Variants in LRMDA observed in about 807,000 individuals in gnomAD.
LRMDA encodes leucine rich melanocyte differentiation associated.
Under a neutral mutation model 29.8 loss-of-function variants are expected in LRMDA, and 18 were observed. That is an observed-to-expected ratio of 0.60 (90% CI 0.42 to 0.90). The LOEUF is 0.90. LRMDA is among the 40% of genes least tolerant of loss of function. The pLI, the probability that LRMDA is intolerant of heterozygous loss-of-function variation, is 0.00. For synonymous variants in LRMDA, 125 were observed against 109.4 expected (o/e 1.14, Z -0.89); for missense variants, 273 against 273.9 (o/e 1.00, Z 0.02).
At chr10:75,490,183 G>T (rs1200904150) in intron 2 of LRMDA, among the ~76,000 whole-genome samples, 1 of 152,214 alleles carries the variant, frequency 6.6e-6, no homozygotes, top group Non-Finnish European at 1.5e-5. Flanking sequence ...ATGTGAGCCA[G>T]TCGTCTGGTT....
At chr10:75,810,011 C>T (rs748359403) in intron 2 of LRMDA, among the ~76,000 whole-genome samples, 1 of 152,090 alleles carries the variant, frequency 6.6e-6, no homozygotes, top group Admixed American at 6.5e-5. Context: ...TCTCATGAAG[C>T]GGGCCCTGCC....
intron 6 of LRMDA, among the ~76,000 whole-genome samples, chr10:76,404,676 T>C (rs548295145): frequency 7.9e-5 from 12 of 152,318 alleles, no homozygotes; most frequent in African/African-American, 2.4e-4. Flanking sequence ...CTTGAGCTGT[T>C]TCCTCCAAAG....
At chr10:75,879,622 G>T (rs1430137178) in intron 2 of LRMDA, among the ~76,000 whole-genome samples, 2 of 152,158 alleles carry the variant, frequency 1.3e-5, no homozygotes, top group African/African-American at 2.4e-5. Context: ...GAGGGCAAGT[G>T]ACCTCTCATC....
At chr10:75,704,139 G>A (rs1842339218) in intron 2 of LRMDA, among the ~76,000 whole-genome samples, 1 of 152,184 alleles carries the variant, frequency 6.6e-6, no homozygotes, top group African/African-American at 2.4e-5. Flanking sequence ...AGGTAATTAA[G>A]TATGAAGTAC....
intron 2 of LRMDA, among the ~76,000 whole-genome samples, chr10:75,504,463 A>G (rs1337955305): frequency 6.6e-6 from 1 of 152,188 alleles, no homozygotes. Context: ...AATCCACTTC[A>G]TATTTTATTA....
chr10:76,463,917 A>ATTTTTT (rs763472626), intron 6 of LRMDA, among the ~76,000 whole-genome samples: 30,760 of 111,952 alleles, frequency 0.27, 5,146 homozygotes, highest in Non-Finnish European at 0.32. Flanking sequence ...TGCAAAATAA[A>ATTTTTT]TTTTTTTTTT....
intron 2 of LRMDA, among the ~76,000 whole-genome samples, chr10:76,028,804 A>C (rs1003523017): frequency 6.7e-6 from 1 of 149,296 alleles, no homozygotes; most frequent in Non-Finnish European, 1.5e-5. Flanking sequence ...TATTATGAGA[A>C]GCTTATTCAA....
At chr10:75,849,740 A>G (rs776977657) in intron 2 of LRMDA, among the ~76,000 whole-genome samples, 1 of 152,336 alleles carries the variant, frequency 6.6e-6, no homozygotes, top group Middle Eastern at 3.4e-3. Flanking sequence ...CACATCCTGT[A>G]CATGTACCCC....
At chr10:76,150,289 G>C (rs951712229) in intron 5 of LRMDA, among the ~76,000 whole-genome samples, 5 of 152,202 alleles carry the variant, frequency 3.3e-5, no homozygotes, top group African/African-American at 1.2e-4. Flanking sequence ...CAAAGGCTGG[G>C]CATGCGTGTG....
intron 6 of LRMDA, among the ~76,000 whole-genome samples, chr10:76,439,599 T>G (rs747918170): frequency 2.6e-5 from 4 of 152,146 alleles, no homozygotes; most frequent in Non-Finnish European, 5.9e-5. Flanking sequence ...TCAAGTGAGT[T>G]TGAACCACAG....
chr10:76,401,846 G>A (rs536710557), intron 6 of LRMDA, among the ~76,000 whole-genome samples: 1 of 152,280 alleles, frequency 6.6e-6, no homozygotes, highest in Non-Finnish European at 1.5e-5. Flanking sequence ...TTGAACAAGT[G>A]CCTGCATTTT....
At chr10:76,551,351 G>T (rs1206900656) in intron 6 of LRMDA, among the ~76,000 whole-genome samples, 1 of 152,182 alleles carries the variant, frequency 6.6e-6, no homozygotes, top group Non-Finnish European at 1.5e-5. Context: ...GTTAAAAGAT[G>T]AGTGTCCAGC....
At chr10:75,906,427 G>A (rs1221919359) in intron 2 of LRMDA, among the ~76,000 whole-genome samples, 1 of 152,130 alleles carries the variant, frequency 6.6e-6, no homozygotes, top group South Asian at 2.1e-4. Context: ...CTTGCTTGTG[G>A]TCACACAGCC....
intron 2 of LRMDA, among the ~76,000 whole-genome samples, chr10:75,825,167 T>C (rs1844227775): frequency 6.6e-6 from 1 of 152,156 alleles, no homozygotes; most frequent in African/African-American, 2.4e-5. Flanking sequence ...CCTATGGGCA[T>C]GGGCCACTGG....
intron 2 of LRMDA, among the ~76,000 whole-genome samples, chr10:75,790,220 G>T (rs1240071219): frequency 6.6e-6 from 1 of 152,146 alleles, no homozygotes; most frequent in African/African-American, 2.4e-5. Context: ...CTACCCACTA[G>T]ATGCCAGTTG....
At chr10:75,856,756 C>T (rs1166388638) in intron 2 of LRMDA, among the ~76,000 whole-genome samples, 1 of 152,166 alleles carries the variant, frequency 6.6e-6, no homozygotes, top group East Asian at 1.9e-4. Flanking sequence ...GAAGCATTCC[C>T]CTTGAAAACT....
At chr10:75,468,054 T>G (rs1412413097) in intron 2 of LRMDA, among the ~76,000 whole-genome samples, 1 of 151,954 alleles carries the variant, frequency 6.6e-6, no homozygotes, top group Admixed American at 6.6e-5. Flanking sequence ...GATAGTGGTA[T>G]AATAATCTCC....
At chr10:76,033,992 A>C (rs1202622587) in intron 2 of LRMDA, among the ~76,000 whole-genome samples, 1 of 152,152 alleles carries the variant, frequency 6.6e-6, no homozygotes, top group East Asian at 1.9e-4. Context: ...AGAAAAAAAA[A>C]ACAGCGTATG....
chr10:75,900,674 T>TGCCATTTC (rs1162248165), intron 2 of LRMDA, among the ~76,000 whole-genome samples: 1 of 152,166 alleles, frequency 6.6e-6, no homozygotes, highest in African/African-American at 2.4e-5. Context: ...TACCCACAGT[T>TGCCATTTC]GCCATTTCTG....
Sources: gnomAD v4.1 joint callset for allele counts (sites outside exome capture counted in the v4.1 genomes callset) on GRCh38, gnomAD v4.1.1 for gene constraint, MANE v1.5 for transcripts, NCBI Gene and HGNC (gene_info 2026-07-23, HGNC 2026-07-21) for gene names.